Variants in GPC6 observed in about 807,000 individuals in gnomAD.
The protein encoded by GPC6 is glypican 6.
Under a neutral mutation model 55.2 loss-of-function variants are expected in GPC6, and 14 were observed. The observed-to-expected ratio is 0.25, with a 90% confidence interval of 0.17 to 0.40. The LOEUF is 0.40. Among genes scored for constraint, GPC6 ranks in the 10% least tolerant of loss-of-function variants. GPC6 has a pLI of 1.00. For missense variants in GPC6, 641 were observed against 708.5 expected, an observed-to-expected ratio of 0.90 and a Z score of 1.08; for synonymous variants, 278 against 259.6, an observed-to-expected ratio of 1.07 and a Z score of -0.68.
At chr13:93,567,675 T>C (rs187259920) in intron 2 of GPC6, among the ~76,000 whole-genome samples, 51 of 152,252 alleles carry the variant, frequency 3.3e-4, no homozygotes, top group Non-Finnish European at 6.3e-4. Context: ...TTGAATACAC[T>C]ATACTTCTTT....
intron 1 of GPC6, among the ~76,000 whole-genome samples, chr13:93,473,417 C>T (rs1275572921): frequency 1.3e-5 from 2 of 152,144 alleles, no homozygotes; most frequent in African/African-American, 2.4e-5. Context: ...TGGCCCCAAC[C>T]CCACTACAAG....
chr13:94,260,416 T>C (rs1331408053), intron 4 of GPC6, among the ~76,000 whole-genome samples: 1 of 152,176 alleles, frequency 6.6e-6, no homozygotes, highest in Admixed American at 6.5e-5. Flanking sequence ...AAGTCCAAGA[T>C]CAAGGTGTCA....
chr13:94,171,823 A>G (rs1888578335), intron 4 of GPC6, among the ~76,000 whole-genome samples: 1 of 152,180 alleles, frequency 6.6e-6, no homozygotes, highest in African/African-American at 2.4e-5. Flanking sequence ...TCTTAAAATG[A>G]CAGTGATCTG....
chr13:93,798,085 C>CTAGA (rs1886257794), intron 2 of GPC6, among the ~76,000 whole-genome samples: 1 of 151,986 alleles, frequency 6.6e-6, no homozygotes, highest in South Asian at 2.1e-4. Flanking sequence ...AAGGGGCAAG[C>CTAGA]TAGAGTGTGG....
chr13:93,797,947 T>C (rs1886251783), intron 2 of GPC6, among the ~76,000 whole-genome samples: 1 of 152,162 alleles, frequency 6.6e-6, no homozygotes, highest in African/African-American at 2.4e-5. Context: ...TAATAGGCCC[T>C]GGAATTGGGT....
At position 93,847,150 on chromosome 13, in the gene GPC6, G is replaced by A. The variant is rs369071277; in HGVS notation, c.711+16605G>A. On this transcript the variant is annotated intron_variant, in intron 3 of 8. Coordinates refer to ENST00000377047, the MANE Select transcript of GPC6 (RefSeq NM_005708.5). ...CATTGCCTCAAAGGCCCTACAAGGA[G>A]TGCTACTTCTGTCCCTTAAGTGTAA... Among the ~76,000 whole-genome samples the A allele has an allele frequency of 5.9e-5, 9 of 152,234 alleles. 1 individual carries two copies. In the East Asian group the frequency reaches 1.5e-3, roughly 26 times the overall value.
intron 6 of GPC6, among the ~76,000 whole-genome samples, chr13:94,377,464 A>G (rs1879931466): frequency 1.4e-5 from 2 of 148,086 alleles, no homozygotes; most frequent in Non-Finnish European, 3.0e-5. Flanking sequence ...ATCACTGGCC[A>G]TCAGAGAAAT....
chr13:93,640,449 G>A (rs1879865800), intron 2 of GPC6, among the ~76,000 whole-genome samples: 1 of 151,976 alleles, frequency 6.6e-6, no homozygotes, highest in South Asian at 2.1e-4. Flanking sequence ...CTTCTACAAG[G>A]TCATACATCT....
At chr13:93,320,047 C>T (rs1188604612) in intron 1 of GPC6, among the ~76,000 whole-genome samples, 3 of 152,070 alleles carry the variant, frequency 2.0e-5, no homozygotes, top group East Asian at 1.9e-4. Context: ...AAAATCCATA[C>T]TGAAAGTGAT....
chr13:94,336,685 A>T (rs557681529), intron 6 of GPC6, among the ~76,000 whole-genome samples: 1 of 152,292 alleles, frequency 6.6e-6, no homozygotes, highest in Admixed American at 6.5e-5. Flanking sequence ...TCTCTGCAAC[A>T]ACAACAACAA....
chr13:93,540,270 G>T (rs1179655660), intron 1 of GPC6, among the ~76,000 whole-genome samples: 2 of 151,986 alleles, frequency 1.3e-5, no homozygotes, highest in Admixed American at 6.6e-5. Context: ...CCCAGTTTTT[G>T]TTACAAAATA....
intron 6 of GPC6, among the ~76,000 whole-genome samples, chr13:94,309,813 C>T (rs1336193530): frequency 6.6e-6 from 1 of 151,876 alleles, no homozygotes; most frequent in East Asian, 2.0e-4. Context: ...ATCCTACCAT[C>T]ACGTTGCTTT....
At chr13:94,014,271 C>A (rs545310506) in intron 3 of GPC6, among the ~76,000 whole-genome samples, 3 of 152,316 alleles carry the variant, frequency 2.0e-5, no homozygotes, top group African/African-American at 7.2e-5. Context: ...TAGGTGACTT[C>A]TCAAGAGAGA....
At chr13:93,579,237 G>T (rs1673005742) in intron 2 of GPC6, among the ~76,000 whole-genome samples, 1 of 152,024 alleles carries the variant, frequency 6.6e-6, no homozygotes, top group African/African-American at 2.4e-5. Context: ...ATGGCTTGAA[G>T]AAAATAATTC....
chr13:94,286,585 T>C (rs1892538493), intron 5 of GPC6, 106 bp downstream of exon 5: 1 of 990,078 alleles, frequency 1.0e-6, no homozygotes, highest in Non-Finnish European at 1.5e-6. Flanking sequence ...AATTCTAATA[T>C]GCTGTCAGCG....
At chr13:93,395,294 G>T in intron 1 of GPC6, 1 of 485,730 alleles carries the variant, frequency 2.1e-6, no homozygotes, top group Non-Finnish European at 4.0e-6. Flanking sequence ...TCTTTGGCTG[G>T]ATGAAGCACC....
At chr13:93,340,527 C>A (rs1880217872) in intron 1 of GPC6, among the ~76,000 whole-genome samples, 1 of 152,060 alleles carries the variant, frequency 6.6e-6, no homozygotes, top group Non-Finnish European at 1.5e-5. Context: ...GAGTACTGTG[C>A]TAAAGATCCG....
At position 93,498,859 on chromosome 13, in the gene GPC6, T is replaced by C. The variant is rs533275049; in HGVS notation, c.161-46404T>C. On this transcript the variant is annotated intron_variant, in intron 1 of 8. Coordinates refer to ENST00000377047, the MANE Select transcript of GPC6 (RefSeq NM_005708.5). ...TTCATTGCCATCCAGAGACTTTTTC[T>C]CAAAATCCTAGTTATTTAAATCTTC... Among the ~76,000 whole-genome samples the C allele has an allele frequency of 3.3e-3, 507 of 152,288 alleles. 1 individual carries two copies. The highest frequency in any genetic ancestry group is 0.012 in the African/African-American group (485 of 41,554).
chr13:93,361,593 A>C (rs1319190397), intron 1 of GPC6, among the ~76,000 whole-genome samples: 5 of 152,196 alleles, frequency 3.3e-5, no homozygotes, highest in African/African-American at 1.2e-4. Context: ...TCTATAATAA[A>C]CAGGTACTAT....
Sources: allele counts gnomAD v4.1 joint callset (sites outside exome capture counted in the v4.1 genomes callset), GRCh38; gene constraint gnomAD v4.1.1; transcripts MANE v1.5; gene names NCBI Gene and HGNC (gene_info 2026-07-23, HGNC 2026-07-21).